Variants in GRM7 observed in about 807,000 individuals in gnomAD.
GRM7 encodes glutamate metabotropic receptor 7, also known as metabotropic glutamate receptor 7.
In GRM7, 35 loss-of-function variants were observed where a neutral mutation model predicts 84.5. The ratio of observed to expected loss-of-function variants is 0.41; its 90% CI spans 0.32 to 0.55. The LOEUF is 0.55. Among genes scored for constraint, GRM7 ranks in the 20% least tolerant of loss-of-function variants. The pLI is 0.19. For missense variants in GRM7, 1,003 were observed against 1,194.6 expected, an observed-to-expected ratio of 0.84 and a Z score of 2.36; for synonymous variants, 487 against 455.1, an observed-to-expected ratio of 1.07 and a Z score of -0.89.
At chr3:6,922,439 T>A (rs1338344097) in intron 1 of GRM7, among the ~76,000 whole-genome samples, 1 of 152,238 alleles carries the variant, frequency 6.6e-6, no homozygotes, top group Non-Finnish European at 1.5e-5. Flanking sequence ...TCATAGAAAG[T>A]TGGCTGTTAT....
Position 7,558,796 on chromosome 3 carries a change from G to A in GRM7, c.1516-19626G>A, listed in dbSNP as rs549919202. 2.4e-4 allele frequency among the ~76,000 whole-genome samples: 36 copies of A among 152,162 alleles called. No homozygotes were observed. In the South Asian group the frequency reaches 6.9e-3, roughly 29 times the overall value. On this transcript the variant is annotated intron_variant, in intron 7 of 9. Transcript: ENST00000357716. Reference sequence around the variant, plus strand: ...GTGAATATTGTAGTGCTATCCATAAGGCTAAATAATTGTTTGAACTGTTGA... The same window carrying A: ...GTGAATATTGTAGTGCTATCCATAAAGCTAAATAATTGTTTGAACTGTTGA...
chr3:7,309,487 A>C (rs1328903993), intron 4 of GRM7, among the ~76,000 whole-genome samples: 1 of 152,096 alleles, frequency 6.6e-6, no homozygotes, highest in Non-Finnish European at 1.5e-5. Flanking sequence ...ATACTGCTCC[A>C]TTCCTATATC....
Position 7,740,398 on chromosome 3 carries a change from G to A in GRM7, c.2740G>A (p.Val914Ile). ...KKKYVSYNNL[V>I]I ...GAAGTATGTCAGTTATAATAACCTG[G>A]TTATCTAACCTGTTCCATTCCATGG... Residue 914 changes from valine (V) to isoleucine (I), a missense_variant, in exon 10 of 10, where the codon GTT becomes ATT. Val to Ile is a conservative substitution (Grantham distance 29, BLOSUM62 3). Transcript: ENST00000357716. 6.4e-7 allele frequency: 1 copy of A among 1,570,778 alleles called. No individual in the cohort carries two copies. Among genetic ancestry groups the A allele is most frequent in the Non-Finnish European group, 8.7e-7 (1 of 1,147,206 alleles).
At chr3:7,338,072 G>C (rs979934529) in intron 4 of GRM7, among the ~76,000 whole-genome samples, 13 of 149,426 alleles carry the variant, frequency 8.7e-5, no homozygotes, top group African/African-American at 3.2e-4. Flanking sequence ...CCCCCTTAAA[G>C]CATACATTTA....
At position 7,686,368 on chromosome 3, in the gene GRM7, C is replaced by T. The variant is rs182447901; in HGVS notation, c.2698+6073C>T. The stretch of plus-strand genomic sequence containing the variant: ...TACTTTTCCTGTAGACTGTATACCA[C>T]CAGTAAGAAAGAGTGTACAAAAGTC... On this transcript the variant is annotated intron_variant, in intron 9 of 9. Coordinates refer to ENST00000357716, the MANE Select transcript of GRM7 (RefSeq NM_000844.4). The T allele has an allele frequency of 2.3e-5, 32 of 1,417,718 alleles. No individual in the cohort carries two copies. The East Asian group carries it at 6.8e-4, about 30-fold the overall frequency. 87.8% of individuals were successfully genotyped at this position (1,417,718 alleles called of 1,614,324 possible). A position where few individuals can be genotyped will look rare whatever the true frequency, so the allele number is the denominator to read the frequency against.
At chr3:7,558,977 C>T in intron 7 of GRM7, among the ~76,000 whole-genome samples, 1 of 152,064 alleles carries the variant, frequency 6.6e-6, no homozygotes, top group East Asian at 1.9e-4. Flanking sequence ...GAGAAGATGT[C>T]AATTAACCCT....
chr3:7,551,110 T>A (rs148978678), intron 7 of GRM7, among the ~76,000 whole-genome samples: 1 of 152,200 alleles, frequency 6.6e-6, no homozygotes, highest in East Asian at 1.9e-4. Flanking sequence ...AATAATAAAT[T>A]CAGCTTTTGT....
At chr3:7,403,385 C>T (rs1695533712) in intron 4 of GRM7, among the ~76,000 whole-genome samples, 1 of 150,944 alleles carries the variant, frequency 6.6e-6, no homozygotes, top group African/African-American at 2.4e-5. Context: ...ATACAATATC[C>T]ACGATCTGTG....
intron 4 of GRM7, among the ~76,000 whole-genome samples, chr3:7,371,228 T>C (rs1422854671): frequency 2.6e-5 from 4 of 152,170 alleles, no homozygotes; most frequent in Non-Finnish European, 4.4e-5. Flanking sequence ...CCGTGGCAGA[T>C]TGCTATGGAA....
Position 7,415,003 on chromosome 3 carries a change from T to C in GRM7, c.1034-20T>C. ...AGCAGTGCCCCGCAAGCAATGACCT[T>C]TTCATTTAACTCTGTTTAGGGTTTG... On this transcript the variant is annotated intron_variant, in intron 4 of 9. Coordinates refer to ENST00000357716, the MANE Select transcript of GRM7 (RefSeq NM_000844.4). 1 of 1,597,564 alleles carries C rather than the reference T, an allele frequency of 6.3e-7. No homozygotes were observed. The highest frequency in any genetic ancestry group is 8.5e-7 in the Non-Finnish European group (1 of 1,170,678).
intron 8 of GRM7, among the ~76,000 whole-genome samples, chr3:7,619,756 A>ATAAAGAGCTGTGAGCTTTT (rs1697272514): frequency 6.6e-6 from 1 of 152,130 alleles, no homozygotes; most frequent in Non-Finnish European, 1.5e-5. Context: ...TGCATATCTG[A>ATAAAGAGCTGTGAGCTTTT]TAAAGAAGTT....
intron 1 of GRM7, among the ~76,000 whole-genome samples, chr3:6,930,450 G>C (rs1697462824): frequency 6.6e-6 from 1 of 152,174 alleles, no homozygotes; most frequent in Admixed American, 6.5e-5. Context: ...TTCTCAATAT[G>C]TAGTGTAGGC....
chr3:7,655,006 T>C (rs1699116173), intron 8 of GRM7, among the ~76,000 whole-genome samples: 1 of 152,158 alleles, frequency 6.6e-6, no homozygotes, highest in Non-Finnish European at 1.5e-5. Context: ...CTTAACGGTG[T>C]CCTCAATTGT....
intron 6 of GRM7, among the ~76,000 whole-genome samples, chr3:7,460,872 T>C (rs1698219297): frequency 6.6e-6 from 1 of 152,218 alleles, no homozygotes; most frequent in South Asian, 2.1e-4. Context: ...TATATACGCT[T>C]AATAAATATA....
chr3:7,035,508 G>A (rs74577809), intron 1 of GRM7, among the ~76,000 whole-genome samples: 2,705 of 152,288 alleles, frequency 0.018, 69 homozygotes, highest in African/African-American at 0.062. Context: ...AGAGCTGCAC[G>A]TGAGGGGTGG....
intron 1 of GRM7, among the ~76,000 whole-genome samples, chr3:6,896,321 A>G (rs9882865): frequency 0.39 from 58,738 of 152,024 alleles, 13,379 homozygotes; most frequent in African/African-American, 0.65. Context: ...TGAAAGAATT[A>G]TGTGTCTTCT....
chr3:7,029,317 A>AGC (rs1696101603), intron 1 of GRM7, among the ~76,000 whole-genome samples: 1 of 125,858 alleles, frequency 7.9e-6, no homozygotes, highest in Non-Finnish European at 1.9e-5. Flanking sequence ...AAAAAAAACA[A>AGC]AAAAAAAAAA....
intron 8 of GRM7, among the ~76,000 whole-genome samples, chr3:7,592,563 G>A (rs1038158897): frequency 4.6e-5 from 7 of 152,154 alleles, no homozygotes; most frequent in African/African-American, 1.2e-4. Flanking sequence ...CAGACTGGAC[G>A]ACATGCAGAG....
At chr3:7,656,512 A>AAAT (rs1425575927) in intron 8 of GRM7, among the ~76,000 whole-genome samples, 12 of 72,134 alleles carry the variant, frequency 1.7e-4, no homozygotes, top group East Asian at 2.7e-4. Flanking sequence ...CAAACAAACA[A>AAAT]ATAAAAAAAA....
Sources: allele counts gnomAD v4.1 joint callset (sites outside exome capture counted in the v4.1 genomes callset), GRCh38; gene constraint gnomAD v4.1.1; transcripts MANE v1.5; gene names NCBI Gene and HGNC (gene_info 2026-07-23, HGNC 2026-07-21).